The following NRG1 variants were observed in gnomAD, a reference collection of about 807,000 sequenced individuals.
NRG1 encodes the protein pro-neuregulin-1, membrane-bound isoform.
In NRG1, 18 loss-of-function variants were observed where a neutral mutation model predicts 63.8. The ratio of observed to expected loss-of-function variants is 0.28; its 90% confidence interval spans 0.19 to 0.42. The LOEUF is 0.42. Ranked by LOEUF, NRG1 falls within the 10% of genes least tolerant of loss-of-function variation. The probability of loss-of-function intolerance (pLI) is 1.00; values close to 1 mark genes in which losing one functional copy is unlikely to be tolerated. For missense variants in NRG1, 762 were observed against 814.7 expected (o/e 0.94, Z 0.79); for synonymous variants, 302 against 301.3 (o/e 1.00, Z -0.02).
Position 32,503,288 on chromosome 8 carries a change from GAAAA to G in NRG1, c.38-92515_38-92512del, listed in dbSNP as rs60857610. 4.0e-3 allele frequency among the ~76,000 whole-genome samples: 218 copies of G among 54,802 alleles called. 1 individual carries two copies. The highest frequency in any genetic ancestry group is 0.013 in the African/African-American group (200 of 15,508). The allele number at this position is 54,802 out of a possible 152,430, so 36.0% of individuals were successfully genotyped here. The stretch of plus-strand genomic sequence containing the variant: ...GGCTACAGAGCGAGACTCTGTCTCA[GAAAA>G]AAAAAAAAAAAAAAAAAAAAAAAAG... On this transcript the variant is annotated intron_variant, in intron 1 of 10. Transcript: ENST00000519301.
chr8:31,834,330 C>CACACACACACACACACAT (rs34893626), intron 1 of NRG1, among the ~76,000 whole-genome samples: 1 of 151,366 alleles, frequency 6.6e-6, no homozygotes, highest in African/African-American at 2.4e-5. Flanking sequence ...CACACACACA[C>CACACACACACACACACAT]GCACACCAAT....
intron 1 of NRG1, among the ~76,000 whole-genome samples, chr8:31,911,510 C>T (rs921451489): frequency 2.6e-5 from 4 of 152,076 alleles, no homozygotes; most frequent in Admixed American, 1.3e-4. Flanking sequence ...CTCATGTTCT[C>T]ACTTATAAGT....
chr8:32,155,587 G>A (rs371245736), intron 1 of NRG1, among the ~76,000 whole-genome samples: 26 of 152,228 alleles, frequency 1.7e-4, no homozygotes, highest in Admixed American at 1.3e-4. Flanking sequence ...ATATCATTAG[G>A]CAATGTCTCT....
chr8:32,326,241 C>G (rs1386839681), intron 1 of NRG1, among the ~76,000 whole-genome samples: 1 of 150,582 alleles, frequency 6.6e-6, no homozygotes, highest in Admixed American at 6.6e-5. Context: ...AACTCCTGGC[C>G]TTGTGATCTG....
At chr8:32,323,984 A>G (rs984759574) in intron 1 of NRG1, among the ~76,000 whole-genome samples, 1 of 152,198 alleles carries the variant, frequency 6.6e-6, no homozygotes, top group African/African-American at 2.4e-5. Flanking sequence ...CTCTCACAAC[A>G]ATCGTGTCAG....
intron 1 of NRG1, among the ~76,000 whole-genome samples, chr8:32,012,002 A>T (rs2129963031): frequency 6.6e-6 from 1 of 152,154 alleles, no homozygotes; most frequent in Non-Finnish European, 1.5e-5. Flanking sequence ...GGAAAAATTT[A>T]ATGGGCAAAC....
intron 1 of NRG1, among the ~76,000 whole-genome samples, chr8:31,795,433 T>C (rs1411171455): frequency 1.3e-5 from 2 of 152,218 alleles, no homozygotes; most frequent in African/African-American, 4.8e-5. Context: ...ATGATTGCAG[T>C]TGAAAGACAC....
At chr8:32,257,223 C>T (rs1849828339) in intron 1 of NRG1, among the ~76,000 whole-genome samples, 4 of 152,122 alleles carry the variant, frequency 2.6e-5, no homozygotes, top group African/African-American at 4.8e-5. Flanking sequence ...TGCTGGGCTC[C>T]ATGTGGGTGG....
intron 1 of NRG1, among the ~76,000 whole-genome samples, chr8:32,349,998 A>G (rs1463400530): frequency 6.6e-6 from 1 of 152,108 alleles, no homozygotes; most frequent in Non-Finnish European, 1.5e-5. Context: ...TTTTCCTCTC[A>G]GGTTTTGAGG....
chr8:32,688,378 C>T (rs887379312), intron 5 of NRG1, among the ~76,000 whole-genome samples: 5 of 152,110 alleles, frequency 3.3e-5, no homozygotes, highest in African/African-American at 9.7e-5. Context: ...GGAGCAGATA[C>T]GGCCCTTTTT....
intron 1 of NRG1, among the ~76,000 whole-genome samples, chr8:32,344,602 A>ATTTTTTTTTTTTTTTTTT (rs61448713): frequency 1.1e-4 from 11 of 101,188 alleles, no homozygotes; most frequent in Non-Finnish European, 9.3e-5. Context: ...ACACTCAGCT[A>ATTTTTTTTTTTTTTTTTT]TTTTTTTTTT....
chr8:32,340,897 C>T lies in NRG1; in HGVS notation c.38-254931C>T, dbSNP rs927622451. On this transcript the variant is annotated intron_variant, in intron 1 of 10. Coordinates refer to the NRG1 transcript ENST00000519301. ...CCATGCCCATTTTTTTATGCACTGC[C>T]TGTTGCTGCTTTTGCTTTACAACAG... Among the ~76,000 whole-genome samples the T allele has an allele frequency of 2.0e-5, 3 of 152,308 alleles. No homozygotes were observed. In the South Asian group the frequency reaches 6.2e-4, roughly 32 times the overall value.
chr8:32,020,083 G>A (rs1030763226), intron 1 of NRG1, among the ~76,000 whole-genome samples: 1 of 152,148 alleles, frequency 6.6e-6, no homozygotes, highest in African/African-American at 2.4e-5. Flanking sequence ...AACCGTGGAT[G>A]AGTTTAAGTT....
chr8:32,162,468 CATT>C (rs1563856750), intron 1 of NRG1, among the ~76,000 whole-genome samples: 1 of 152,030 alleles, frequency 6.6e-6, no homozygotes. Flanking sequence ...ATGGTGTAAT[CATT>C]GTTTTTTTCA....
At position 31,718,704 on chromosome 8, in the gene NRG1, A is replaced by G. The variant is rs564697906; in HGVS notation, c.37+79273A>G. Reference sequence around the variant, plus strand: ...GAAGCCTTTCTTGTTGAGGGGATGCACATTTGGAATACTCTCAAATGATTA... The same window carrying G: ...GAAGCCTTTCTTGTTGAGGGGATGCGCATTTGGAATACTCTCAAATGATTA... On this transcript the variant is annotated intron_variant, in intron 1 of 10. Coordinates refer to the NRG1 transcript ENST00000519301. Among the ~76,000 whole-genome samples, 6 of 152,338 alleles carry G rather than the reference A, an allele frequency of 3.9e-5. No homozygotes were observed. In the South Asian group the frequency reaches 1.0e-3, roughly 26 times the overall value.
At chr8:32,151,420 T>C (rs1168121808) in intron 1 of NRG1, among the ~76,000 whole-genome samples, 1 of 152,076 alleles carries the variant, frequency 6.6e-6, no homozygotes, top group Non-Finnish European at 1.5e-5. Flanking sequence ...GTAGCAGAGC[T>C]CTTAGCAAAG....
rs139129705 is a variant in NRG1, at chr8:31,858,780, T to G, written c.37+219349T>G. Among the ~76,000 whole-genome samples, 44 of 152,306 alleles carry G rather than the reference T, an allele frequency of 2.9e-4. No homozygotes were observed. The East Asian group carries it at 7.3e-3, about 25-fold the overall frequency. ...GCATTGTTCAACAGAAGGGGCTCAA[T>G]TCTCCAGGACAACGCCCGACTGCAT... On this transcript the variant is annotated intron_variant, in intron 1 of 10. Coordinates refer to the NRG1 transcript ENST00000519301.
intron 1 of NRG1, among the ~76,000 whole-genome samples, chr8:31,959,877 T>C (rs1805158954): frequency 1.3e-5 from 2 of 151,372 alleles, no homozygotes; most frequent in Non-Finnish European, 2.9e-5. Context: ...CAGGCCGGTC[T>C]TGAAGTCCTG....
intron 1 of NRG1, among the ~76,000 whole-genome samples, chr8:32,112,102 G>T (rs1395695084): frequency 1.3e-5 from 2 of 152,178 alleles, no homozygotes; most frequent in Non-Finnish European, 2.9e-5. Context: ...GCTGCCTCCA[G>T]TGTTAAAAGC....
Sources: gnomAD v4.1 joint callset for allele counts (sites outside exome capture counted in the v4.1 genomes callset) on GRCh38, gnomAD v4.1.1 for gene constraint, MANE v1.5 for transcripts, NCBI Gene and HGNC (gene_info 2026-07-23, HGNC 2026-07-21) for gene names.